The following CNTRL variants were observed in gnomAD, a reference collection of about 807,000 sequenced individuals.
CNTRL encodes the protein centriolin.
Under a neutral mutation model 303.7 loss-of-function variants are expected in CNTRL, and 233 were observed. The ratio of observed to expected loss-of-function variants is 0.77; its 90% CI spans 0.69 to 0.86. The LOEUF is 0.86. Ranked by LOEUF, CNTRL falls within the 40% of genes least tolerant of loss-of-function variation. The pLI is 0.00. For missense variants in CNTRL, 2,524 were observed against 2,650.6 expected (o/e 0.95, Z 1.05); for synonymous variants, 900 against 922.2 (o/e 0.98, Z 0.44).
chr9:121,136,803 G>C (rs2051221977), intron 15 of CNTRL, among the ~76,000 whole-genome samples: 1 of 152,198 alleles, frequency 6.6e-6, no homozygotes, highest in Non-Finnish European at 1.5e-5. Flanking sequence ...ATCCTGTGGA[G>C]CTGACAGATC....
At chr9:121,150,038 C>T in intron 24 of CNTRL, 132 bp from the exon 25 acceptor site, 2 of 602,978 alleles carry the variant, frequency 3.3e-6, no homozygotes, top group Non-Finnish European at 5.3e-6. Context: ...ACCTTTTTTT[C>T]AGAGTTTTAT....
At chr9:121,176,865 G>A (rs1204040671) in intron 43 of CNTRL, among the ~76,000 whole-genome samples, 1 of 152,094 alleles carries the variant, frequency 6.6e-6, no homozygotes, top group Admixed American at 6.6e-5. Context: ...GTTCTGCAAG[G>A]TCCATCAGAA....
chr9:121,081,763 G>A (rs2048150622), intron 2 of CNTRL, among the ~76,000 whole-genome samples: 1 of 152,250 alleles, frequency 6.6e-6, no homozygotes, highest in African/African-American at 2.4e-5. Context: ...CAGCTAATTG[G>A]AAGTTCTCTG....
Position 121,165,113 on chromosome 9 carries a change from A to G in CNTRL, c.5581+13A>G. On this transcript the variant is annotated intron_variant, in intron 35 of 43. Transcript: ENST00000373855. ...CAGCAGCTCCAAGGTATAAGGCAGC[A>G]AAACAGTGAAAGTGTGTGATTTCCT... 6.5e-7 allele frequency: 1 copy of G among 1,545,034 alleles called. No individual in the cohort carries two copies. The highest frequency in any genetic ancestry group is 8.7e-7 in the Non-Finnish European group (1 of 1,149,296).
At chr9:121,111,566 G>A (rs1377103722) in intron 8 of CNTRL, among the ~76,000 whole-genome samples, 2 of 151,954 alleles carry the variant, frequency 1.3e-5, no homozygotes, top group Non-Finnish European at 2.9e-5. Flanking sequence ...TTTTCTGCAT[G>A]TTTTTTCTTT....
At chr9:121,170,997 C>A (rs1304368755) in intron 39 of CNTRL, among the ~76,000 whole-genome samples, 4 of 152,080 alleles carry the variant, frequency 2.6e-5, no homozygotes, top group Non-Finnish European at 5.9e-5. Context: ...GTTAGTGGAG[C>A]CCTGTTGTAT....
At chr9:121,118,254 A>G (rs1564226563) in intron 11 of CNTRL, 92 bp from the exon 12 acceptor site, 2 of 1,023,896 alleles carry the variant, frequency 2.0e-6, no homozygotes, top group South Asian at 6.9e-5. Flanking sequence ...AACTGATAGA[A>G]TATAGAATAC....
At chr9:121,141,281 C>T (rs768561963) in intron 17 of CNTRL, 100 bp from the exon 18 acceptor site, 4 of 915,970 alleles carry the variant, frequency 4.4e-6, no homozygotes, top group Non-Finnish European at 6.8e-6. Flanking sequence ...CCAGTCCCTG[C>T]ACACAGCTTT....
chr9:121,138,821 G>A, intron 16 of CNTRL, 142 bp downstream of exon 16: 2 of 708,498 alleles, frequency 2.8e-6, no homozygotes, highest in Non-Finnish European at 4.6e-6. Flanking sequence ...GGGTGGAGCA[G>A]CACCATAGCT....
intron 23 of CNTRL, among the ~76,000 whole-genome samples, chr9:121,148,030 C>T (rs1246816380): frequency 6.6e-6 from 1 of 152,174 alleles, no homozygotes; most frequent in Non-Finnish European, 1.5e-5. Flanking sequence ...TCACTGGTTT[C>T]CTTTGCCTCA....
chr9:121,099,366 A>G (rs1033087967), intron 7 of CNTRL, among the ~76,000 whole-genome samples: 1 of 152,216 alleles, frequency 6.6e-6, no homozygotes, highest in African/African-American at 2.4e-5. Flanking sequence ...AAACTAACAA[A>G]CAGAAAGGAT....
chr9:121,158,972 C>T lies in CNTRL; in HGVS notation c.4882C>T (p.Leu1628=). 6.2e-7 allele frequency: 1 copy of T among 1,614,188 alleles called. No homozygotes were observed. Among genetic ancestry groups the T allele is most frequent in the Non-Finnish European group, 8.5e-7 (1 of 1,180,028 alleles). ...VQAKADLQEA[L]RLGETEVTEK... ...GGCAAAAGCTGACCTCCAGGAAGCT[C>T]TGAGACTGGGAGAGACTGAAGTAAC... Residue 1628 remains leucine (L), a synonymous_variant, in exon 31 of 44, where the codon CTG becomes TTG. Transcript: ENST00000373855.
intron 3 of CNTRL, 69 bp downstream of exon 3, chr9:121,088,612 G>C: frequency 1.1e-6 from 1 of 944,940 alleles, no homozygotes; most frequent in Non-Finnish European, 1.6e-6. Context: ...TTTTCGGCTT[G>C]CATTTTTGGT....
At position 121,150,173 on chromosome 9, in the gene CNTRL, C is replaced by G. The variant is rs751533729; in HGVS notation, c.3653C>G (p.Ala1218Gly). ...GLHKLFPSRD[A>G]DSGGDSQEES... ...TCTTCTGTTTATTTCTTTGAAGATG[C>G]AGACAGTGGAGGAGATAGTCAGGAA... Residue 1218 changes from alanine (A) to glycine (G), a missense_variant, in exon 25 of 44, where the codon GCA becomes GGA. Physicochemically the swap from Ala to Gly is moderately conservative, Grantham distance 60. Coordinates refer to ENST00000373855, the MANE Select transcript of CNTRL (RefSeq NM_007018.6). 1 of 1,599,484 alleles carries G rather than the reference C, an allele frequency of 6.3e-7. No homozygotes were observed. The highest frequency in any genetic ancestry group is 8.5e-7 in the Non-Finnish European group (1 of 1,172,108).
rs1307963021 is a variant in CNTRL at position 121,168,332 on chromosome 9, T to C, written c.6070+11T>C. ...CACTCTCCCAAACTAGTATGTATTC[T>C]GGAACTTCTCACTGGGAGATGGGGT... is the stretch of plus-strand genomic sequence containing the variant. On this transcript the variant is annotated intron_variant, in intron 38 of 43. Transcript: ENST00000373855. The C allele has an allele frequency of 6.2e-7, 1 of 1,610,338 alleles. No homozygotes were observed. The highest frequency in any genetic ancestry group is 8.5e-7 in the Non-Finnish European group (1 of 1,176,658).
chr9:121,162,337 T>TA (rs1170807445), intron 34 of CNTRL, 66 bp downstream of exon 34: 1 of 1,410,704 alleles, frequency 7.1e-7, no homozygotes. Flanking sequence ...AAACACACTA[T>TA]AAAAAATTTG....
chr9:121,082,158 C>T (rs1249778791), intron 2 of CNTRL, among the ~76,000 whole-genome samples: 1 of 152,154 alleles, frequency 6.6e-6, no homozygotes, highest in Non-Finnish European at 1.5e-5. Flanking sequence ...GCCCTCAGAA[C>T]CAGAAGAGAT....
intron 1 of CNTRL, among the ~76,000 whole-genome samples, chr9:121,077,315 C>A (rs919375070): frequency 6.6e-6 from 1 of 151,578 alleles, no homozygotes; most frequent in African/African-American, 2.4e-5. Context: ...CTTGCTTGGT[C>A]TTTGTTCATG....
Position 121,158,853 on chromosome 9 carries a change from A to G in CNTRL, c.4765-2A>G, listed in dbSNP as rs1330340495. 1.9e-6 allele frequency: 3 copies of G among 1,613,656 alleles called. No homozygotes were observed. The highest frequency in any genetic ancestry group is 2.5e-6 in the Non-Finnish European group (3 of 1,179,836). Reference sequence around the variant, plus strand: ...CTTACTCTTCCCTTTTCTTTAATACAGGTGACAAGTCAGCAGCAGGAGATG... The same window carrying G: ...CTTACTCTTCCCTTTTCTTTAATACGGGTGACAAGTCAGCAGCAGGAGATG... On this transcript the variant is annotated splice_acceptor_variant, in intron 30 of 43. Coordinates refer to ENST00000373855, the MANE Select transcript of CNTRL (RefSeq NM_007018.6). LOFTEE classifies it high-confidence loss of function.
Sources: gnomAD v4.1 joint callset for allele counts (sites outside exome capture counted in the v4.1 genomes callset) on GRCh38, gnomAD v4.1.1 for gene constraint, MANE v1.5 for transcripts, NCBI Gene and HGNC (gene_info 2026-07-23, HGNC 2026-07-21) for gene names.